The following AGMO variants were observed in gnomAD, a reference collection of about 807,000 sequenced individuals.
The protein encoded by AGMO is alkylglycerol monooxygenase.
In AGMO, 75 loss-of-function variants were observed where a neutral mutation model predicts 60.2. That is an observed-to-expected ratio of 1.25 (90% CI 1.03 to 1.51). The LOEUF is 1.51. Among genes scored for constraint, AGMO ranks in the 40% most tolerant of loss-of-function variants. The pLI is 0.00. For synonymous variants in AGMO, 261 were observed against 177.1 expected (o/e 1.47, Z -3.76); for missense variants, 763 against 525.5 (o/e 1.45, Z -4.42).
chr7:15,557,909 T>C lies in AGMO; in HGVS notation c.257+2232A>G, dbSNP rs142399423. On this transcript the variant is annotated intron_variant, in intron 2 of 12. Transcript: ENST00000342526. ...CACCAGAGTTAACAGTTTGTGTTAG[T>C]TTAAGGACTGTTATGAGTAGTGGGT... 1.1e-4 allele frequency among the ~76,000 whole-genome samples: 17 copies of C among 152,120 alleles called. No individual in the cohort carries two copies. The East Asian group carries it at 2.9e-3, about 26-fold the overall frequency.
intron 3 of AGMO, among the ~76,000 whole-genome samples, chr7:15,457,210 T>C (rs1782020541): frequency 6.6e-6 from 1 of 152,170 alleles, no homozygotes; most frequent in Non-Finnish European, 1.5e-5. Context: ...TTGTATTCTA[T>C]GCTTCAAAAT....
chr7:15,466,620 A>G (rs1028756124), intron 3 of AGMO, among the ~76,000 whole-genome samples: 25 of 152,168 alleles, frequency 1.6e-4, no homozygotes, highest in African/African-American at 5.8e-4. Context: ...AGGTTTGAAT[A>G]TCTGCTCATC....
chr7:15,357,185 ATATTCGTGTGTGTG>A (rs1198424468), intron 12 of AGMO, among the ~76,000 whole-genome samples: 1 of 112,452 alleles, frequency 8.9e-6, no homozygotes, highest in Admixed American at 9.2e-5. Flanking sequence ...TATACTATGA[ATATTCGTGTGTGTG>A]TGTGTGTGTG....
chr7:15,298,840 C>T (rs1784474912), intron 12 of AGMO, among the ~76,000 whole-genome samples: 1 of 152,142 alleles, frequency 6.6e-6, no homozygotes, highest in Non-Finnish European at 1.5e-5. Flanking sequence ...TGGAATACAA[C>T]TGCTTTAGTA....
the AGMO span, among the ~76,000 whole-genome samples, chr7:15,163,623 T>C: frequency 1.3e-5 from 2 of 152,154 alleles, no homozygotes. Flanking sequence ...GACTCACATT[T>C]ATTGATTTGC....
chr7:15,544,550 C>T (rs576076372), intron 3 of AGMO, among the ~76,000 whole-genome samples: 13 of 151,824 alleles, frequency 8.6e-5, no homozygotes, highest in South Asian at 2.1e-4. Context: ...AAATTAGAAG[C>T]GAAAAAAATG....
At chr7:15,119,992 G>A in the AGMO span, among the ~76,000 whole-genome samples, 2 of 143,842 alleles carry the variant, frequency 1.4e-5, no homozygotes, top group Admixed American at 7.3e-5. Flanking sequence ...CTCCTGGATC[G>A]CCTACTTAAG....
intron 10 of AGMO, among the ~76,000 whole-genome samples, chr7:15,370,053 G>A (rs1783141350): frequency 6.6e-6 from 1 of 151,936 alleles, no homozygotes; most frequent in Non-Finnish European, 1.5e-5. Flanking sequence ...TCCAACTTTT[G>A]CCCCCCTCCT....
chr7:15,334,915 C>T (rs185754859), intron 12 of AGMO, among the ~76,000 whole-genome samples: 1 of 152,256 alleles, frequency 6.6e-6, no homozygotes, highest in East Asian at 1.9e-4. Flanking sequence ...ACAATAAGAG[C>T]TGTCCGAGAG....
intron 12 of AGMO, among the ~76,000 whole-genome samples, chr7:15,268,768 G>C (rs956616659): frequency 2.6e-5 from 4 of 151,822 alleles, no homozygotes; most frequent in Non-Finnish European, 4.4e-5. Context: ...GAGGGATGGG[G>C]ATAATGTAGG....
At chr7:15,355,781 A>G (rs1208371797) in intron 12 of AGMO, among the ~76,000 whole-genome samples, 7 of 152,288 alleles carry the variant, frequency 4.6e-5, no homozygotes, top group Admixed American at 3.9e-4. Context: ...CTGTGGAAAT[A>G]AAAACCATTT....
intron 12 of AGMO, among the ~76,000 whole-genome samples, chr7:15,318,777 A>G (rs1378758248): frequency 1.3e-5 from 2 of 152,096 alleles, no homozygotes; most frequent in African/African-American, 2.4e-5. Flanking sequence ...CTTTGTTTTT[A>G]TCAATCCTCT....
chr7:15,332,854 T>C (rs1484068288), intron 12 of AGMO, among the ~76,000 whole-genome samples: 1 of 152,046 alleles, frequency 6.6e-6, no homozygotes, highest in Non-Finnish European at 1.5e-5. Context: ...CATTTTCCTA[T>C]CCTAATACTC....
the AGMO span, among the ~76,000 whole-genome samples, chr7:15,120,517 T>C: frequency 1.3e-5 from 2 of 152,140 alleles, no homozygotes; most frequent in African/African-American, 2.4e-5. Context: ...GACTCCATGA[T>C]AGGATTAGTG....
At chr7:15,218,555 A>G (rs1396030897) in intron 12 of AGMO, among the ~76,000 whole-genome samples, 3 of 151,496 alleles carry the variant, frequency 2.0e-5, no homozygotes, top group East Asian at 3.8e-4. Flanking sequence ...CTTTAAAAAA[A>G]ATCTTAAAAT....
intron 12 of AGMO, among the ~76,000 whole-genome samples, chr7:15,224,919 T>C (rs189466436): frequency 7.3e-4 from 111 of 152,172 alleles, no homozygotes; most frequent in African/African-American, 2.5e-3. Flanking sequence ...TTTTAATTTT[T>C]TAACTTGTGA....
chr7:15,467,944 C>G (rs1405125267), intron 3 of AGMO, among the ~76,000 whole-genome samples: 1 of 152,104 alleles, frequency 6.6e-6, no homozygotes, highest in East Asian at 1.9e-4. Context: ...CTGCCACCCT[C>G]CCAAACAAAC....
At chr7:15,543,880 A>G (rs143487096) in intron 3 of AGMO, among the ~76,000 whole-genome samples, 2,206 of 151,836 alleles carry the variant, frequency 0.015, 66 homozygotes, top group African/African-American at 0.049. Context: ...AGGAATCTCC[A>G]CACTGTTTTC....
intron 12 of AGMO, among the ~76,000 whole-genome samples, chr7:15,266,572 G>C (rs1013705948): frequency 7.3e-5 from 11 of 151,676 alleles, no homozygotes; most frequent in African/African-American, 9.7e-5. Flanking sequence ...TCTGCTCAGT[G>C]ATTGTCAGTT....
Sources: allele counts gnomAD v4.1 joint callset (sites outside exome capture counted in the v4.1 genomes callset), GRCh38; gene constraint gnomAD v4.1.1; transcripts MANE v1.5; gene names NCBI Gene and HGNC (gene_info 2026-07-23, HGNC 2026-07-21).